The following HIP1 variants were observed in gnomAD, a reference collection of about 807,000 sequenced individuals.
HIP1 encodes huntingtin-interacting protein 1.
HIP1 carries 65 observed loss-of-function variants against 147.6 expected under a neutral mutation model. The ratio of observed to expected loss-of-function variants is 0.44; its 90% CI spans 0.36 to 0.54. The LOEUF (loss-of-function observed/expected upper bound fraction) is 0.54, where lower values mean the gene tolerates loss of function less well. Ranked by LOEUF, HIP1 falls within the 20% of genes least tolerant of loss-of-function variation. The pLI, the probability that HIP1 is intolerant of heterozygous loss-of-function variation, is 0.00. For missense variants in HIP1, 1,061 were observed against 1,299.6 expected, an observed-to-expected ratio of 0.82 and a Z score of 2.82; for synonymous variants, 479 against 504.0, an observed-to-expected ratio of 0.95 and a Z score of 0.67.
chr7:75,736,602 A>T (rs1180501006), intron 1 of HIP1, among the ~76,000 whole-genome samples: 4 of 152,122 alleles, frequency 2.6e-5, no homozygotes, highest in Non-Finnish European at 5.9e-5. Context: ...ATGGAGCAAG[A>T]AGCCTCATGT....
intron 1 of HIP1, among the ~76,000 whole-genome samples, chr7:75,651,681 C>T (rs1021575048): frequency 6.6e-6 from 1 of 152,036 alleles, no homozygotes; most frequent in Non-Finnish European, 1.5e-5. Context: ...ACTTATTCTA[C>T]GTGTGGCCTT....
At chr7:75,597,250 A>G (rs1698937274) in intron 2 of HIP1, among the ~76,000 whole-genome samples, 1 of 152,322 alleles carries the variant, frequency 6.6e-6, no homozygotes, top group Middle Eastern at 3.4e-3. Flanking sequence ...TCCCTCTAGC[A>G]AACAGCAGTT....
chr7:75,663,899 G>A (rs1385926862), intron 1 of HIP1, among the ~76,000 whole-genome samples: 1 of 148,892 alleles, frequency 6.7e-6, no homozygotes, highest in Non-Finnish European at 1.5e-5. Flanking sequence ...CCTCTAGCAG[G>A]GGAACAGCTA....
At chr7:75,683,871 C>A (rs1163238955) in intron 1 of HIP1, among the ~76,000 whole-genome samples, 1 of 150,700 alleles carries the variant, frequency 6.6e-6, no homozygotes, top group Admixed American at 6.7e-5. Flanking sequence ...GGGTCGAATC[C>A]TTGCTCTGCA....
At chr7:75,681,162 C>A (rs1178936960) in intron 1 of HIP1, among the ~76,000 whole-genome samples, 1 of 152,136 alleles carries the variant, frequency 6.6e-6, no homozygotes, top group Non-Finnish European at 1.5e-5. Context: ...ATCCGTCCGC[C>A]TCGGCCTTTC....
At chr7:75,634,325 C>G (rs1204641181) in intron 1 of HIP1, among the ~76,000 whole-genome samples, 1 of 152,048 alleles carries the variant, frequency 6.6e-6, no homozygotes, top group African/African-American at 2.4e-5. Flanking sequence ...CATATAGACA[C>G]TCATCCTTCT....
At chr7:75,650,096 A>C (rs538807445) in intron 1 of HIP1, among the ~76,000 whole-genome samples, 149 of 152,252 alleles carry the variant, frequency 9.8e-4, no homozygotes, top group African/African-American at 3.4e-3. Context: ...GCTTGGTCTT[A>C]GGATCTCATG....
intron 1 of HIP1, among the ~76,000 whole-genome samples, chr7:75,736,235 C>T (rs1042346309): frequency 3.4e-5 from 5 of 145,744 alleles, no homozygotes; most frequent in Non-Finnish European, 6.0e-5. Context: ...CCTGTTGGGC[C>T]GTCCCTGGAT....
chr7:75,728,689 C>T (rs1225890449), intron 1 of HIP1, among the ~76,000 whole-genome samples: 1 of 151,326 alleles, frequency 6.6e-6, no homozygotes, highest in Non-Finnish European at 1.5e-5. Context: ...TCCTTCTTAA[C>T]GTGCAGCACC....
chr7:75,581,129 T>G, intron 7 of HIP1, 108 bp downstream of exon 7: 1 of 780,528 alleles, frequency 1.3e-6, no homozygotes, highest in Non-Finnish European at 2.2e-6. Flanking sequence ...GGGGTGTGAA[T>G]GTCTCCATTT....
At chr7:75,542,120 G>T in intron 28 of HIP1, 140 bp from the exon 29 acceptor site, 1 of 696,704 alleles carries the variant, frequency 1.4e-6, no homozygotes, top group South Asian at 1.6e-5. Context: ...GAGGGGGCCA[G>T]ACAACGGTGG....
At chr7:75,700,894 AC>A (rs1427008072) in intron 1 of HIP1, among the ~76,000 whole-genome samples, 1 of 151,484 alleles carries the variant, frequency 6.6e-6, no homozygotes, top group African/African-American at 2.4e-5. Flanking sequence ...TTTAGTAGAG[AC>A]GGGGTTTCAC....
In HIP1 at chr7:75,686,688, GTTTCACTC is replaced by G. The variant is rs1584950719; in HGVS notation, c.120+52105_120+52112del. Among the ~76,000 whole-genome samples the G allele has an allele frequency of 3.3e-5, 5 of 151,870 alleles. No individual in the cohort carries two copies. The East Asian group carries it at 9.7e-4, about 29-fold the overall frequency. On this transcript the variant is annotated intron_variant, in intron 1 of 30. Transcript: ENST00000336926. ...TGTTGTTGTTTGTTTTTGAGACAGA[GTTTCACTC>G]TTTTGTCCAGGCTGGAGTGCACTGG...
At chr7:75,691,211 G>A (rs1013931775) in intron 1 of HIP1, among the ~76,000 whole-genome samples, 6 of 152,140 alleles carry the variant, frequency 3.9e-5, no homozygotes, top group Non-Finnish European at 7.3e-5. Flanking sequence ...GAAAAGGGCC[G>A]GGCATGGTGG....
chr7:75,619,210 A>G (rs1179614), intron 1 of HIP1, among the ~76,000 whole-genome samples: 5,377 of 152,242 alleles, frequency 0.035, 176 homozygotes, highest in African/African-American at 0.084. Flanking sequence ...GTCAGAGTCT[A>G]AGAAAAAATT....
intron 1 of HIP1, among the ~76,000 whole-genome samples, chr7:75,735,405 G>T (rs1326377346): frequency 6.6e-6 from 1 of 152,142 alleles, no homozygotes; most frequent in Non-Finnish European, 1.5e-5. Flanking sequence ...TTCTTGTCAA[G>T]ATTTAAAAAG....
intron 1 of HIP1, among the ~76,000 whole-genome samples, chr7:75,615,489 C>T (rs1474318265): frequency 6.6e-6 from 1 of 151,660 alleles, no homozygotes; most frequent in African/African-American, 2.4e-5. Flanking sequence ...GAGTTGGAGG[C>T]TGCAGTGAGC....
intron 11 of HIP1, 62 bp from the exon 12 acceptor site, chr7:75,562,232 C>A: frequency 9.4e-7 from 1 of 1,065,032 alleles, no homozygotes; most frequent in South Asian, 1.3e-5. Context: ...GTGTGTGGGT[C>A]AGTTGAGTGA....
At chr7:75,657,804 C>T (rs560016233) in intron 1 of HIP1, among the ~76,000 whole-genome samples, 37 of 152,012 alleles carry the variant, frequency 2.4e-4, no homozygotes, top group African/African-American at 8.7e-4. Context: ...ATTATATGGG[C>T]GATGGGATCA....
Sources: gnomAD v4.1 joint callset for allele counts (sites outside exome capture counted in the v4.1 genomes callset) on GRCh38, gnomAD v4.1.1 for gene constraint, MANE v1.5 for transcripts, NCBI Gene and HGNC (gene_info 2026-07-23, HGNC 2026-07-21) for gene names.